Variants in SLC22A2 observed in about 807,000 individuals in gnomAD.
The protein encoded by SLC22A2 is organic cation transporter 2.
A neutral mutation model predicts 60.5 loss-of-function variants in SLC22A2; 46 were observed. The observed-to-expected ratio is 0.76, with a 90% CI of 0.60 to 0.97. SLC22A2 has a LOEUF of 0.97. Ranked by LOEUF, SLC22A2 falls within the 50% of genes least tolerant of loss-of-function variation. SLC22A2 has a pLI of 0.00. For synonymous variants in SLC22A2, 303 were observed against 267.0 expected, an observed-to-expected ratio of 1.13 and a Z score of -1.31; for missense variants, 701 against 706.6, an observed-to-expected ratio of 0.99 and a Z score of 0.09.
chr6:160,241,929 T>G (rs1481039557), intron 8 of SLC22A2, among the ~76,000 whole-genome samples: 1 of 110,844 alleles, frequency 9.0e-6, no homozygotes, highest in Admixed American at 1.2e-4. Flanking sequence ...ATTCTTGTTT[T>G]GTATAAACCT....
intron 9 of SLC22A2, among the ~76,000 whole-genome samples, chr6:160,237,012 G>C (rs1782921810): frequency 6.6e-6 from 1 of 152,152 alleles, no homozygotes; most frequent in Non-Finnish European, 1.5e-5. Context: ...GTCCTACCAA[G>C]ATTTGTCTTT....
chr6:160,256,231 T>C (rs544841653), intron 2 of SLC22A2, among the ~76,000 whole-genome samples: 1 of 151,652 alleles, frequency 6.6e-6, no homozygotes, highest in Non-Finnish European at 1.5e-5. Context: ...AAGCAGAGGA[T>C]AGGATTGAGC....
At chr6:160,248,135 C>G (rs372920587) in intron 4 of SLC22A2, among the ~76,000 whole-genome samples, 6 of 152,336 alleles carry the variant, frequency 3.9e-5, no homozygotes, top group African/African-American at 1.2e-4. Flanking sequence ...GCCCTCACCC[C>G]CAGTGTGCAA....
intron 9 of SLC22A2, among the ~76,000 whole-genome samples, chr6:160,237,882 G>A (rs1456557852): frequency 6.6e-6 from 1 of 152,198 alleles, no homozygotes; most frequent in African/African-American, 2.4e-5. Context: ...ATGGCAATGA[G>A]AGTGACCTCT....
chr6:160,247,304 G>A lies in SLC22A2; in HGVS notation c.843-6C>T. On this transcript the variant is annotated splice_region_variant and splice_polypyrimidine_tract_variant and intron_variant, in intron 4 of 10. Coordinates refer to ENST00000366953, the MANE Select transcript of SLC22A2 (RefSeq NM_003058.4). The stretch of plus-strand genomic sequence containing the variant: ...TGGGAGACTCAGGTATGCACCTAGG[G>A]TACAAGGTGAGCGGAGGGCAACTCT... 6.6e-7 allele frequency: 1 copy of A among 1,507,204 alleles called. No homozygotes were observed. The highest frequency in any genetic ancestry group is 9.2e-7 in the Non-Finnish European group (1 of 1,082,516). The allele number at this position is 1,507,204 out of a possible 1,614,324, so 93.4% of individuals were successfully genotyped here. A position where few individuals can be genotyped will look rare whatever the true frequency, so the allele number is the denominator to read the frequency against.
At chr6:160,254,259 T>C (rs1320610495) in intron 2 of SLC22A2, among the ~76,000 whole-genome samples, 3 of 152,038 alleles carry the variant, frequency 2.0e-5, no homozygotes, top group Non-Finnish European at 4.4e-5. Context: ...GCCTGGGCGA[T>C]AGAGTGAGAC....
Position 160,247,222 on chromosome 6 carries a change from C to T in SLC22A2, c.919G>A (p.Ala307Thr), listed in dbSNP as rs371158879. 3 of 1,613,118 alleles carry T rather than the reference C, an allele frequency of 1.9e-6. No individual in the cohort carries two copies. The highest frequency in any genetic ancestry group is 1.1e-5 in the South Asian group (1 of 91,054). Residue 307 changes from alanine (A) to threonine (T), a missense_variant, in exon 5 of 11, where the codon GCA becomes ACA. By Grantham distance (58) the Ala-to-Thr change is moderately conservative (BLOSUM62 0). Coordinates refer to ENST00000366953, the MANE Select transcript of SLC22A2 (RefSeq NM_003058.4). ...GGTAGAGATTTTCCATTTTTCTTTG[C>T]GATGTGCTTAATGATTCTCATGGCT... is the stretch of plus-strand genomic sequence containing the variant. ...AEAMRIIKHIAKKNGKSLPAS... is the reference protein window; with the variant it reads ...AEAMRIIKHITKKNGKSLPAS...
intron 9 of SLC22A2, among the ~76,000 whole-genome samples, chr6:160,228,425 C>T (rs1287352125): frequency 6.6e-6 from 1 of 152,134 alleles, no homozygotes; most frequent in East Asian, 1.9e-4. Context: ...GGCAAAGACA[C>T]TTGACTGAAC....
chr6:160,241,598 G>A lies in SLC22A2; in HGVS notation c.1389-12C>T. ...GGACGCCAAGATTCCTAGAATGCAG[G>A]AAACTGATTTAACTTGTTAACTTAT... On this transcript the variant is annotated splice_polypyrimidine_tract_variant and intron_variant, in intron 8 of 10. Transcript: ENST00000366953. The A allele has an allele frequency of 6.4e-7, 1 of 1,567,760 alleles. No individual in the cohort carries two copies. Among genetic ancestry groups the A allele is most frequent in the Non-Finnish European group, 8.8e-7 (1 of 1,138,232 alleles).
In SLC22A2 at chr6:160,219,329, G is replaced by A. The variant is rs1393551310; in HGVS notation, c.1602-1831C>T. On this transcript the variant is annotated intron_variant, in intron 10 of 10. Transcript: ENST00000366953. ...AATAGCAGCAGTAACAATAACAACA[G>A]CAATAGCAGCAACAACAGCAACAAG... Among the ~76,000 whole-genome samples, 3 of 146,004 alleles carry A rather than the reference G, an allele frequency of 2.1e-5. No homozygotes were observed. The East Asian group carries it at 6.3e-4, about 31-fold the overall frequency.
At chr6:160,249,941 G>T (rs1050047463) in intron 3 of SLC22A2, among the ~76,000 whole-genome samples, 2 of 152,190 alleles carry the variant, frequency 1.3e-5, no homozygotes, top group African/African-American at 2.4e-5. Flanking sequence ...CAACCCGTTG[G>T]TATCAGCCAT....
intron 3 of SLC22A2, 110 bp from the exon 4 acceptor site, chr6:160,249,494 T>G: frequency 1.2e-5 from 10 of 821,936 alleles, no homozygotes; most frequent in Non-Finnish European, 2.0e-5. Context: ...AATTCTAGAA[T>G]ATTCTACGCA....
At chr6:160,231,307 C>T (rs771317196) in intron 9 of SLC22A2, among the ~76,000 whole-genome samples, 1 of 151,814 alleles carries the variant, frequency 6.6e-6, no homozygotes. Flanking sequence ...TCCTGGACTA[C>T]AGCCACATCT....
intron 3 of SLC22A2, 107 bp from the exon 4 acceptor site, chr6:160,249,491 G>T: frequency 1.2e-6 from 1 of 845,944 alleles, no homozygotes. Context: ...ACAAATTCTA[G>T]AATATTCTAC....
At chr6:160,242,442 ATTCC>A in intron 7 of SLC22A2, 40 bp from the exon 8 acceptor site, 10 of 1,104,018 alleles carry the variant, frequency 9.1e-6, no homozygotes, top group Non-Finnish European at 1.1e-5. Context: ...TACACAGATG[ATTCC>A]TCATCTTCAG....
At position 160,256,713 on chromosome 6, in the gene SLC22A2, T is replaced by A; in HGVS notation, c.419A>T (p.Asn140Ile). 6.2e-7 allele frequency: 1 copy of A among 1,610,134 alleles called. No individual in the cohort carries two copies. The highest frequency in any genetic ancestry group is 1.3e-5 in the African/African-American group (1 of 74,948). The change falls in exon 2 of 11, where the codon AAC (asparagine) becomes ATC (isoleucine). Residue 140 changes from asparagine to isoleucine, a missense_variant. Physicochemically the swap from Asn to Ile is moderately radical, Grantham distance 149 (BLOSUM62 -3). Transcript: ENST00000366953. ...TPGSSIVTEF[N>I]LVCANSWMLD... ...CATCCAGGAGTTGGCACATACCAGG[T>A]TAAACTGCCAGCAGGGGAGAAGTGT...
chr6:160,237,752 CAGTT>C lies in SLC22A2; in HGVS notation c.1501+3718_1501+3721del, dbSNP rs1377872325. Among the ~76,000 whole-genome samples, 10 of 152,276 alleles carry C rather than the reference CAGTT, an allele frequency of 6.6e-5. No individual in the cohort carries two copies. The South Asian group carries it at 2.1e-3, about 32-fold the overall frequency. ...AGACTTACAGGGCTGCATTCCCAGA[CAGTT>C]AGGCATTCTAAGTCACAGGATGAGA... On this transcript the variant is annotated intron_variant, in intron 9 of 10. Coordinates refer to ENST00000366953, the MANE Select transcript of SLC22A2 (RefSeq NM_003058.4).
chr6:160,253,969 G>T lies in SLC22A2; in HGVS notation c.518+2645C>A, dbSNP rs370929486. Among the ~76,000 whole-genome samples, 158 of 152,290 alleles carry T rather than the reference G, an allele frequency of 1.0e-3. 3 individuals are homozygous for T. In the South Asian group the frequency reaches 0.031, roughly 30 times the overall value. On this transcript the variant is annotated intron_variant, in intron 2 of 10. Transcript: ENST00000366953. ...AGAACTAGTTGTTAAGCATTCACAA[G>T]CATGACACAGTAAATATAGCACTTA...
chr6:160,219,387 C>A (rs957365737), intron 10 of SLC22A2, among the ~76,000 whole-genome samples: 1 of 152,016 alleles, frequency 6.6e-6, no homozygotes, highest in Non-Finnish European at 1.5e-5. Flanking sequence ...ACAACAGCAG[C>A]AGCAGCAACA....
Sources: allele counts gnomAD v4.1 joint callset (sites outside exome capture counted in the v4.1 genomes callset), GRCh38; gene constraint gnomAD v4.1.1; transcripts MANE v1.5; gene names NCBI Gene and HGNC (gene_info 2026-07-23, HGNC 2026-07-21).